The following NEK11 variants were observed in gnomAD, a reference collection of about 807,000 sequenced individuals.
NEK11 encodes the protein NIMA related kinase 11.
NEK11 carries 72 observed loss-of-function variants against 80.7 expected under a neutral mutation model. That is an observed-to-expected ratio of 0.89 (90% CI 0.74 to 1.08). The LOEUF (loss-of-function observed/expected upper bound fraction) is 1.08, where lower values mean the gene tolerates loss of function less well. Ranked by LOEUF, NEK11 falls within the 50% of genes least tolerant of loss-of-function variation. NEK11 has a pLI of 0.00. For missense variants in NEK11, 764 were observed against 763.6 expected (o/e 1.00, Z -0.01); for synonymous variants, 251 against 260.7 (o/e 0.96, Z 0.36).
At chr3:131,174,358 G>A (rs1171175823) in intron 14 of NEK11, among the ~76,000 whole-genome samples, 2 of 152,134 alleles carry the variant, frequency 1.3e-5, no homozygotes, top group Non-Finnish European at 2.9e-5. Flanking sequence ...TAGAAGATTA[G>A]ACTGCAAACT....
chr3:131,332,068 T>G (rs970154394), intron 17 of NEK11, among the ~76,000 whole-genome samples: 18 of 152,156 alleles, frequency 1.2e-4, no homozygotes, highest in Non-Finnish European at 2.4e-4. Context: ...AGCAGTAACC[T>G]CTGCAGAATT....
At chr3:131,242,897 G>C (rs2095540455) in intron 15 of NEK11, among the ~76,000 whole-genome samples, 1 of 152,100 alleles carries the variant, frequency 6.6e-6, no homozygotes, top group East Asian at 1.9e-4. Flanking sequence ...ACCGTTATGG[G>C]GGAAGTCTGA....
chr3:131,156,335 A>G (rs746393001), intron 10 of NEK11, among the ~76,000 whole-genome samples: 1 of 152,196 alleles, frequency 6.6e-6, no homozygotes, highest in Non-Finnish European at 1.5e-5. Context: ...AGAGGTCATT[A>G]CAATTTTCTC....
intron 17 of NEK11, among the ~76,000 whole-genome samples, chr3:131,286,612 C>CA (rs1377280951): frequency 6.6e-6 from 1 of 152,156 alleles, no homozygotes; most frequent in African/African-American, 2.4e-5. Context: ...CCAGGTACTA[C>CA]AGGCTAAGCA....
intron 6 of NEK11, chr3:131,133,283 G>A: frequency 2.2e-6 from 1 of 455,522 alleles, no homozygotes; most frequent in Non-Finnish European, 4.4e-6. Context: ...ACAGCTACTG[G>A]ATCATCTAAT....
chr3:131,050,894 C>T (rs927465503), intron 3 of NEK11, among the ~76,000 whole-genome samples: 6 of 151,800 alleles, frequency 4.0e-5, no homozygotes, highest in Non-Finnish European at 5.9e-5. Flanking sequence ...GGCATGGTGG[C>T]GCATGCCTGC....
intron 9 of NEK11, among the ~76,000 whole-genome samples, chr3:131,152,957 C>T (rs1354186312): frequency 1.3e-5 from 2 of 152,104 alleles, no homozygotes; most frequent in South Asian, 2.1e-4. Context: ...CGTGGTGGTG[C>T]GTGTCTTTAG....
intron 16 of NEK11, among the ~76,000 whole-genome samples, chr3:131,254,317 T>C (rs1042126635): frequency 2.6e-5 from 4 of 152,118 alleles, no homozygotes; most frequent in African/African-American, 4.8e-5. Context: ...GCATGAGAAA[T>C]TTTTTTCTGT....
chr3:131,207,193 G>A lies in NEK11; in HGVS notation c.1400-21335G>A, dbSNP rs544616673. ...TTGAGTATATACCCAGTAATGGGAT[G>A]GCTGGGTCAAATGGTATTTCTAGTT... On this transcript the variant is annotated intron_variant, in intron 14 of 17. Coordinates refer to ENST00000383366, the MANE Select transcript of NEK11 (RefSeq NM_024800.5). 3.9e-5 allele frequency among the ~76,000 whole-genome samples: 6 copies of A among 152,278 alleles called. No homozygotes were observed. The South Asian group carries it at 1.2e-3, about 32-fold the overall frequency.
At chr3:131,168,542 G>C (rs2092441922) in intron 12 of NEK11, among the ~76,000 whole-genome samples, 1 of 150,936 alleles carries the variant, frequency 6.6e-6, no homozygotes, top group South Asian at 2.1e-4. Context: ...ATTTTTAGTA[G>C]AGACGGGGTT....
chr3:131,137,110 CTCTCAGGGTCTT>C (rs1300442321), intron 7 of NEK11, among the ~76,000 whole-genome samples: 1 of 152,094 alleles, frequency 6.6e-6, no homozygotes, highest in Non-Finnish European at 1.5e-5. Context: ...TACTGTGAAG[CTCTCAGGGTCTT>C]TCTCAGAAAT....
At chr3:131,212,737 G>C (rs563471622) in intron 14 of NEK11, among the ~76,000 whole-genome samples, 2 of 152,310 alleles carry the variant, frequency 1.3e-5, no homozygotes, top group South Asian at 4.1e-4. Context: ...TCTGAGTTCT[G>C]TTTGGCAACT....
intron 3 of NEK11, among the ~76,000 whole-genome samples, chr3:131,032,269 A>G (rs1248789907): frequency 2.6e-5 from 4 of 152,128 alleles, no homozygotes; most frequent in Non-Finnish European, 4.4e-5. Flanking sequence ...GCCAGTAGTC[A>G]GTATTTTTAA....
intron 17 of NEK11, among the ~76,000 whole-genome samples, chr3:131,299,237 C>G (rs530381840): frequency 6.6e-6 from 1 of 152,258 alleles, no homozygotes; most frequent in African/African-American, 2.4e-5. Flanking sequence ...GAAACAGAGC[C>G]TCACTCTATC....
chr3:131,308,882 T>G (rs1358561123), intron 17 of NEK11, among the ~76,000 whole-genome samples: 1 of 152,140 alleles, frequency 6.6e-6, no homozygotes, highest in African/African-American at 2.4e-5. Flanking sequence ...AGGATGAAAT[T>G]GTTCTATCTC....
chr3:131,274,802 T>C (rs1353372594), intron 17 of NEK11, among the ~76,000 whole-genome samples: 2 of 151,362 alleles, frequency 1.3e-5, no homozygotes, highest in African/African-American at 4.9e-5. Context: ...TACAGGCGCC[T>C]GCCACCGCGC....
intron 3 of NEK11, among the ~76,000 whole-genome samples, chr3:131,076,052 C>T (rs1493370): frequency 0.91 from 138,358 of 152,162 alleles, 63,434 homozygotes; most frequent in Non-Finnish European, 0.95. Context: ...ATCAAAGTGT[C>T]GGGTGGATGC....
intron 17 of NEK11, among the ~76,000 whole-genome samples, chr3:131,274,531 T>C (rs1376651626): frequency 6.0e-5 from 9 of 150,230 alleles, no homozygotes; most frequent in South Asian, 2.1e-4. Flanking sequence ...GAGGAATCGC[T>C]ACACTGACTT....
chr3:131,236,933 G>A (rs1365747555), intron 15 of NEK11, among the ~76,000 whole-genome samples: 2 of 152,170 alleles, frequency 1.3e-5, no homozygotes, highest in Non-Finnish European at 2.9e-5. Context: ...TGAAGAAGAT[G>A]GATAAGGTCA....
Sources: allele counts gnomAD v4.1 joint callset (sites outside exome capture counted in the v4.1 genomes callset), GRCh38; gene constraint gnomAD v4.1.1; transcripts MANE v1.5; gene names NCBI Gene and HGNC (gene_info 2026-07-23, HGNC 2026-07-21).